Variants in RASAL2 observed in about 807,000 individuals in gnomAD.
RASAL2 encodes ras GTPase-activating protein nGAP.
RASAL2 carries 58 observed loss-of-function variants against 128.9 expected under a neutral mutation model. That is an observed-to-expected ratio of 0.45 (90% CI 0.36 to 0.56). The LOEUF (loss-of-function observed/expected upper bound fraction) is 0.56, where lower values mean the gene tolerates loss of function less well. Among genes scored for constraint, RASAL2 ranks in the 20% least tolerant of loss-of-function variants. The pLI is 0.00. For missense variants in RASAL2, 1,360 were observed against 1,601.6 expected, an observed-to-expected ratio of 0.85 and a Z score of 2.57; for synonymous variants, 561 against 580.8, an observed-to-expected ratio of 0.97 and a Z score of 0.49.
At chr1:178,242,465 C>CA (rs1558135928) in intron 1 of RASAL2, among the ~76,000 whole-genome samples, 8 of 89,860 alleles carry the variant, frequency 8.9e-5, no homozygotes, top group Admixed American at 4.1e-4. Flanking sequence ...CTCTCTCTCT[C>CA]TCTCTCTCTC....
intron 1 of RASAL2, among the ~76,000 whole-genome samples, chr1:178,183,006 A>G (rs891132936): frequency 8.5e-5 from 13 of 152,114 alleles, no homozygotes; most frequent in African/African-American, 3.1e-4. Context: ...GAATGCCACC[A>G]CTGATCTGAC....
intron 2 of RASAL2, 134 bp from the exon 3 acceptor site, chr1:178,299,858 C>T (rs1667685057): frequency 2.2e-6 from 2 of 897,038 alleles, no homozygotes; most frequent in Non-Finnish European, 3.3e-6. Flanking sequence ...ATTGTATATA[C>T]TTTATTTCTA....
At chr1:178,254,264 G>A (rs771888030) in intron 1 of RASAL2, among the ~76,000 whole-genome samples, 53 of 152,144 alleles carry the variant, frequency 3.5e-4, no homozygotes, top group Middle Eastern at 3.4e-3. Flanking sequence ...CACTTTCTTA[G>A]AGAAATGTGC....
intron 14 of RASAL2, among the ~76,000 whole-genome samples, chr1:178,459,581 G>A (rs1678032092): frequency 6.6e-6 from 1 of 152,054 alleles, no homozygotes; most frequent in East Asian, 1.9e-4. Flanking sequence ...TTACAGTTTA[G>A]GCACTTACCT....
intron 16 of RASAL2, 45 bp downstream of exon 16, chr1:178,466,167 A>G (rs746832060): frequency 9.4e-6 from 14 of 1,490,462 alleles, no homozygotes; most frequent in Non-Finnish European, 1.2e-5. Context: ...TAGCAAGACA[A>G]AGAATTGAGA....
At chr1:178,238,312 T>A (rs532101382) in intron 1 of RASAL2, among the ~76,000 whole-genome samples, 1 of 152,330 alleles carries the variant, frequency 6.6e-6, no homozygotes, top group South Asian at 2.1e-4. Context: ...TATACATTCA[T>A]CATTTGGTGG....
intron 1 of RASAL2, among the ~76,000 whole-genome samples, chr1:178,276,025 A>G (rs1444856360): frequency 6.6e-6 from 1 of 152,210 alleles, no homozygotes; most frequent in African/African-American, 2.4e-5. Flanking sequence ...GAAGGCAACC[A>G]TTTCTGACCT....
At chr1:178,252,471 TA>T (rs1419150657) in intron 1 of RASAL2, among the ~76,000 whole-genome samples, 1 of 152,064 alleles carries the variant, frequency 6.6e-6, no homozygotes, top group Non-Finnish European at 1.5e-5. Flanking sequence ...GATTAGAAAA[TA>T]AAAAATTTAT....
At chr1:178,290,927 C>G (rs1557880565) in intron 2 of RASAL2, among the ~76,000 whole-genome samples, 1 of 152,148 alleles carries the variant, frequency 6.6e-6, no homozygotes, top group African/African-American at 2.4e-5. Context: ...CCGCCTGCCT[C>G]AGCCTCCCAA....
chr1:178,214,596 T>C lies in RASAL2; in HGVS notation c.203-68968T>C, dbSNP rs185712769. ...TTTTTTGAGACAGAGTCTCGCTCTG[T>C]CGCCCAGGCTGGAGTGCAGTGGCGC... is the stretch of plus-strand genomic sequence containing the variant. On this transcript the variant is annotated intron_variant, in intron 1 of 17. Transcript: ENST00000367649. Among the ~76,000 whole-genome samples the C allele has an allele frequency of 2.4e-3, 362 of 151,220 alleles. 1 individual carries two copies. The highest frequency in any genetic ancestry group is 8.6e-3 in the African/African-American group (352 of 41,104).
In RASAL2 at chr1:178,291,840, G is replaced by A. The variant is rs1330814854; in HGVS notation, c.330+8149G>A. Among the ~76,000 whole-genome samples, 3 of 151,998 alleles carry A rather than the reference G, an allele frequency of 2.0e-5. No individual in the cohort carries two copies. The East Asian group carries it at 5.8e-4, about 29-fold the overall frequency. On this transcript the variant is annotated intron_variant, in intron 2 of 17. Coordinates refer to ENST00000367649, the MANE Select transcript of RASAL2 (RefSeq NM_170692.4). The stretch of plus-strand genomic sequence containing the variant: ...TCACGAGGTCAGGAGTTCGAGACCA[G>A]CCTGACCAATATGGTGAAATCCTGT...
At chr1:178,112,272 C>G (rs1299894853) in intron 1 of RASAL2, among the ~76,000 whole-genome samples, 1 of 152,110 alleles carries the variant, frequency 6.6e-6, no homozygotes, top group Non-Finnish European at 1.5e-5. Context: ...TCATTGTCAG[C>G]TGGGCACGGT....
chr1:178,147,582 G>A (rs1322070360), intron 1 of RASAL2, among the ~76,000 whole-genome samples: 1 of 151,882 alleles, frequency 6.6e-6, no homozygotes, highest in Non-Finnish European at 1.5e-5. Context: ...ATATATATGA[G>A]CACACAGGCT....
chr1:178,110,573 TATGTA>T (rs1024303372), intron 1 of RASAL2, among the ~76,000 whole-genome samples: 5 of 146,748 alleles, frequency 3.4e-5, no homozygotes, highest in African/African-American at 9.9e-5. Flanking sequence ...ATATATAGCA[TATGTA>T]GTATATATAT....
At chr1:178,232,750 CATCAA>C (rs1351096599) in intron 1 of RASAL2, among the ~76,000 whole-genome samples, 5 of 152,026 alleles carry the variant, frequency 3.3e-5, no homozygotes, top group African/African-American at 1.2e-4. Flanking sequence ...AAATGCAGGC[CATCAA>C]AACTCTTCTG....
chr1:178,350,235 T>A (rs907187071), intron 3 of RASAL2, among the ~76,000 whole-genome samples: 1 of 152,212 alleles, frequency 6.6e-6, no homozygotes, highest in Non-Finnish European at 1.5e-5. Context: ...TCTTTCTCTG[T>A]TGAGACAGGG....
chr1:178,428,819 G>GCT (rs919402473), intron 5 of RASAL2, among the ~76,000 whole-genome samples: 2 of 152,012 alleles, frequency 1.3e-5, no homozygotes, highest in Non-Finnish European at 2.9e-5. Flanking sequence ...CCAGTTACAG[G>GCT]CAGTCTGCCT....
Position 178,116,304 on chromosome 1 carries a change from G to A in RASAL2, c.202+21610G>A, listed in dbSNP as rs74128846. The stretch of plus-strand genomic sequence containing the variant: ...TAGAAACTGCTCATTGAAAGGGAGC[G>A]TTACTCATTTTAATAGTTCACAACT... On this transcript the variant is annotated intron_variant, in intron 1 of 17. Transcript: ENST00000367649. Among the ~76,000 whole-genome samples, 837 of 152,132 alleles carry A rather than the reference G, an allele frequency of 5.5e-3. 11 individuals carry two copies. The highest frequency in any genetic ancestry group is 0.019 in the African/African-American group (783 of 41,522).
At chr1:178,157,192 A>G (rs145212603) in intron 1 of RASAL2, among the ~76,000 whole-genome samples, 7 of 152,204 alleles carry the variant, frequency 4.6e-5, no homozygotes, top group African/African-American at 1.4e-4. Context: ...ATTTTGATCT[A>G]TTGCATTTTG....
Sources: allele counts gnomAD v4.1 joint callset (sites outside exome capture counted in the v4.1 genomes callset), GRCh38; gene constraint gnomAD v4.1.1; transcripts MANE v1.5; gene names NCBI Gene and HGNC (gene_info 2026-07-23, HGNC 2026-07-21).